The following ERBB4 variants were observed in gnomAD, a reference collection of about 807,000 sequenced individuals.
The protein encoded by ERBB4 is receptor tyrosine-protein kinase erbB-4.
In ERBB4, 42 loss-of-function variants were observed where a neutral mutation model predicts 158.0. The observed-to-expected ratio is 0.27, with a 90% confidence interval of 0.21 to 0.34. The LOEUF is 0.34. Ranked by LOEUF, ERBB4 falls within the 10% of genes least tolerant of loss-of-function variation. The pLI is 1.00. For missense variants in ERBB4, 1,333 were observed against 1,624.1 expected (o/e 0.82, Z 3.08); for synonymous variants, 583 against 558.7 (o/e 1.04, Z -0.61).
At chr2:212,441,284 T>A (rs1217896107) in intron 1 of ERBB4, among the ~76,000 whole-genome samples, 1 of 152,186 alleles carries the variant, frequency 6.6e-6, no homozygotes, top group Non-Finnish European at 1.5e-5. Context: ...TCCATCTTTG[T>A]CTGAGGAGAT....
chr2:212,131,734 C>T (rs1422772734), intron 1 of ERBB4, among the ~76,000 whole-genome samples: 4 of 152,120 alleles, frequency 2.6e-5, no homozygotes, highest in Non-Finnish European at 5.9e-5. Flanking sequence ...CTTAGTATTA[C>T]CATGCCCAGT....
intron 2 of ERBB4, among the ~76,000 whole-genome samples, chr2:212,052,270 C>A (rs922211444): frequency 1.3e-5 from 2 of 152,190 alleles, no homozygotes; most frequent in African/African-American, 2.4e-5. Flanking sequence ...TGGACATATA[C>A]CAGTGGTTTG....
At chr2:212,216,367 T>C (rs1019367729) in intron 1 of ERBB4, among the ~76,000 whole-genome samples, 2 of 151,402 alleles carry the variant, frequency 1.3e-5, no homozygotes, top group East Asian at 1.9e-4. Flanking sequence ...ATTTATCTTA[T>C]GCATATCATG....
chr2:211,525,596 G>T (rs1197389506), intron 20 of ERBB4, among the ~76,000 whole-genome samples: 2 of 152,158 alleles, frequency 1.3e-5, no homozygotes, highest in Admixed American at 1.3e-4. Context: ...GCTGGCTTCA[G>T]GCACCAGGTC....
chr2:211,469,410 A>G (rs1224664403), intron 20 of ERBB4, among the ~76,000 whole-genome samples: 2 of 152,198 alleles, frequency 1.3e-5, no homozygotes, highest in Non-Finnish European at 2.9e-5. Context: ...GGGGGAAGTG[A>G]AAATGTAAAC....
intron 2 of ERBB4, among the ~76,000 whole-genome samples, chr2:212,087,475 G>A (rs569176588): frequency 8.6e-5 from 13 of 152,018 alleles, no homozygotes; most frequent in East Asian, 7.7e-4. Flanking sequence ...CATCATCATG[G>A]TTCCTGGCAC....
Position 211,682,050 on chromosome 2 carries a change from TCACACACACACACA to T in ERBB4, c.1490-2880_1490-2867del, listed in dbSNP as rs60803024. On this transcript the variant is annotated intron_variant, in intron 12 of 27. Transcript: ENST00000342788. ...GAACCATTAAGACATTTTATACACA[TCACACACACACACA>T]CACACACACACACACACACACACAC... Among the ~76,000 whole-genome samples the T allele has an allele frequency of 3.5e-3, 475 of 134,484 alleles. 3 individuals carry two copies. The highest frequency in any genetic ancestry group is 0.012 in the African/African-American group (412 of 34,848). The allele number at this position is 134,484 out of a possible 152,430, so 88.2% of individuals were successfully genotyped here. A position where few individuals can be genotyped will look rare whatever the true frequency, so the allele number is the denominator to read the frequency against.
chr2:211,721,265 A>G (rs905233093), intron 7 of ERBB4, among the ~76,000 whole-genome samples: 1 of 151,866 alleles, frequency 6.6e-6, no homozygotes, highest in Non-Finnish European at 1.5e-5. Flanking sequence ...CAGATTTTGG[A>G]TTTTTGGATT....
intron 3 of ERBB4, among the ~76,000 whole-genome samples, chr2:211,821,195 C>A (rs1257136406): frequency 1.3e-5 from 2 of 151,692 alleles, no homozygotes; most frequent in Non-Finnish European, 3.0e-5. Flanking sequence ...AATAAAGTTG[C>A]AGATTGCAAA....
intron 1 of ERBB4, among the ~76,000 whole-genome samples, chr2:212,482,047 T>A (rs1220846809): frequency 2.6e-5 from 4 of 152,224 alleles, no homozygotes; most frequent in African/African-American, 4.8e-5. Flanking sequence ...CTATAAACAG[T>A]CTGGAGATTT....
intron 1 of ERBB4, among the ~76,000 whole-genome samples, chr2:212,504,700 C>T (rs769717040): frequency 2.6e-5 from 4 of 151,952 alleles, no homozygotes; most frequent in Admixed American, 1.3e-4. Flanking sequence ...CTGAGCCCAG[C>T]GATTTAAAAT....
intron 3 of ERBB4, among the ~76,000 whole-genome samples, chr2:211,809,604 C>A (rs78576794): frequency 0.36 from 54,515 of 151,846 alleles, 10,057 homozygotes; most frequent in South Asian, 0.46. Flanking sequence ...GTCTTGCTAG[C>A]AGTCTATCAA....
At chr2:211,795,977 A>G (rs2076374706) in intron 3 of ERBB4, among the ~76,000 whole-genome samples, 1 of 151,952 alleles carries the variant, frequency 6.6e-6, no homozygotes, top group Non-Finnish European at 1.5e-5. Context: ...TAAAACATAA[A>G]TCTTGTGACT....
At chr2:212,434,800 A>C (rs1023929359) in intron 1 of ERBB4, among the ~76,000 whole-genome samples, 2 of 152,058 alleles carry the variant, frequency 1.3e-5, no homozygotes, top group Non-Finnish European at 2.9e-5. Flanking sequence ...TTCTTATTAC[A>C]TACAACTGAG....
At chr2:211,438,467 T>C (rs2063904044) in intron 20 of ERBB4, among the ~76,000 whole-genome samples, 1 of 152,106 alleles carries the variant, frequency 6.6e-6, no homozygotes, top group African/African-American at 2.4e-5. Context: ...TTTGTTTCAC[T>C]TTCTTTATTT....
At chr2:211,678,503 T>C (rs6729879) in intron 13 of ERBB4, among the ~76,000 whole-genome samples, 150,328 of 152,282 alleles carry the variant, frequency 0.99, 74,205 homozygotes, top group East Asian at 1. Flanking sequence ...AAGAATTGTC[T>C]GAGTATGTTT....
intron 1 of ERBB4, among the ~76,000 whole-genome samples, chr2:212,368,846 A>G (rs2089985896): frequency 2.6e-5 from 4 of 152,142 alleles, no homozygotes; most frequent in Admixed American, 2.6e-4. Context: ...TGGAAGACAT[A>G]TGAGCTCGGT....
intron 3 of ERBB4, among the ~76,000 whole-genome samples, chr2:211,916,096 A>G (rs570795081): frequency 5.3e-5 from 8 of 152,018 alleles, no homozygotes; most frequent in African/African-American, 1.7e-4. Context: ...AAAAATTAAA[A>G]ATATCTAGAG....
rs544170241 is a variant in ERBB4, at chr2:211,837,314, T to C, written c.422-49155A>G. Among the ~76,000 whole-genome samples, 4 of 152,104 alleles carry C rather than the reference T, an allele frequency of 2.6e-5. No homozygotes were observed. The South Asian group carries it at 8.3e-4, about 32-fold the overall frequency. ...CAGACATCAATTCTAGAGGGAAAGG[T>C]TAAAAGTACTTGGGTTATTGAACCA... is the stretch of plus-strand genomic sequence containing the variant. On this transcript the variant is annotated intron_variant, in intron 3 of 27. Transcript: ENST00000342788.
Sources: gnomAD v4.1 joint callset for allele counts (sites outside exome capture counted in the v4.1 genomes callset) on GRCh38, gnomAD v4.1.1 for gene constraint, MANE v1.5 for transcripts, NCBI Gene and HGNC (gene_info 2026-07-23, HGNC 2026-07-21) for gene names.